Variants in GTF2F2 observed in about 807,000 individuals in gnomAD.
GTF2F2 encodes general transcription factor IIF subunit 2.
Under a neutral mutation model 42.2 loss-of-function variants are expected in GTF2F2, and 23 were observed. That is an observed-to-expected ratio of 0.55 (90% confidence interval 0.39 to 0.77). The LOEUF (loss-of-function observed/expected upper bound fraction) is 0.77, where lower values mean the gene tolerates loss of function less well. GTF2F2 is among the 30% of genes least tolerant of loss of function. GTF2F2 has a pLI of 0.00. For synonymous variants in GTF2F2, 105 were observed against 100.8 expected, an observed-to-expected ratio of 1.04 and a Z score of -0.25; for missense variants, 261 against 287.2, an observed-to-expected ratio of 0.91 and a Z score of 0.66.
At chr13:45,132,155 C>T (rs1400787709) in intron 1 of GTF2F2, among the ~76,000 whole-genome samples, 1 of 152,116 alleles carries the variant, frequency 6.6e-6, no homozygotes, top group Non-Finnish European at 1.5e-5. Flanking sequence ...GGTATATAAC[C>T]TATTACCATG....
chr13:45,149,829 C>T (rs183297847), intron 3 of GTF2F2, 41 bp downstream of exon 3: 2 of 1,469,636 alleles, frequency 1.4e-6, no homozygotes, highest in Non-Finnish European at 1.8e-6. Flanking sequence ...AAACTTGAGA[C>T]TATCTTTTCA....
chr13:45,144,166 C>T (rs953293502), intron 2 of GTF2F2, among the ~76,000 whole-genome samples: 3 of 152,064 alleles, frequency 2.0e-5, no homozygotes, highest in East Asian at 1.9e-4. Context: ...GCAGGAGAAT[C>T]GCTTGAACCC....
intron 2 of GTF2F2, among the ~76,000 whole-genome samples, chr13:45,140,660 AAAT>A (rs1869881954): frequency 6.6e-6 from 1 of 152,230 alleles, no homozygotes; most frequent in Non-Finnish European, 1.5e-5. Context: ...TGAAAGAGAA[AAAT>A]AATATTGAAA....
chr13:45,254,775 T>C (rs7333600), intron 6 of GTF2F2, among the ~76,000 whole-genome samples: 48,962 of 152,116 alleles, frequency 0.32, 9,955 homozygotes, highest in African/African-American at 0.57. Flanking sequence ...ATAAAATACC[T>C]AAGTTAAGTC....
At chr13:45,202,343 C>T (rs1296634204) in intron 4 of GTF2F2, among the ~76,000 whole-genome samples, 2 of 152,122 alleles carry the variant, frequency 1.3e-5, no homozygotes, top group Non-Finnish European at 2.9e-5. Flanking sequence ...GCCAAGATCG[C>T]GCCACTGCAC....
intron 5 of GTF2F2, among the ~76,000 whole-genome samples, chr13:45,209,930 T>G (rs1873564753): frequency 6.6e-6 from 1 of 152,140 alleles, no homozygotes; most frequent in African/African-American, 2.4e-5. Context: ...GTCAGAAGAA[T>G]CTTGTTGACT....
chr13:45,257,985 A>G (rs796739835), intron 6 of GTF2F2, among the ~76,000 whole-genome samples: 6 of 152,292 alleles, frequency 3.9e-5, no homozygotes, highest in African/African-American at 1.2e-4. Flanking sequence ...GAAACTGTCA[A>G]TTAGAGATAA....
chr13:45,207,139 C>T, intron 4 of GTF2F2: 1 of 284,990 alleles, frequency 3.5e-6, no homozygotes, highest in South Asian at 7.9e-5. Context: ...GATTTTATGC[C>T]CTTTTAAGCT....
chr13:45,237,645 C>G (rs1875057571), intron 5 of GTF2F2, among the ~76,000 whole-genome samples: 1 of 152,202 alleles, frequency 6.6e-6, no homozygotes, highest in Non-Finnish European at 1.5e-5. Flanking sequence ...AAGGTCACAC[C>G]TAGGGATGGA....
intron 5 of GTF2F2, among the ~76,000 whole-genome samples, chr13:45,212,467 C>CTTTTCTTTTCTTTTCT (rs371132076): frequency 0.035 from 1,930 of 55,056 alleles, 102 homozygotes; most frequent in Non-Finnish European, 0.044. Flanking sequence ...TTCTTTCTTT[C>CTTTTCTTTTCTTTTCT]TTTCTTTCTT....
intron 6 of GTF2F2, among the ~76,000 whole-genome samples, chr13:45,258,664 TATTTTG>T (rs1876200459): frequency 6.6e-6 from 1 of 152,254 alleles, no homozygotes; most frequent in Non-Finnish European, 1.5e-5. Context: ...CAAATCACTG[TATTTTG>T]AGAGCAAAAC....
intron 6 of GTF2F2, among the ~76,000 whole-genome samples, chr13:45,260,797 A>T (rs1475477744): frequency 6.6e-6 from 1 of 152,104 alleles, no homozygotes. Context: ...AGGCGGGTGG[A>T]TCACTTGAGT....
At chr13:45,138,644 C>CAGT (rs1412055129) in intron 2 of GTF2F2, among the ~76,000 whole-genome samples, 34 of 151,962 alleles carry the variant, frequency 2.2e-4, no homozygotes, top group Non-Finnish European at 1.8e-4. Context: ...GAGTGAAGAT[C>CAGT]AGTATTATTA....
chr13:45,252,632 C>T (rs531394837), intron 5 of GTF2F2, among the ~76,000 whole-genome samples: 6 of 151,984 alleles, frequency 3.9e-5, no homozygotes, highest in South Asian at 4.1e-4. Context: ...ATATAATAAG[C>T]GGGTGAAAAG....
Position 45,271,063 on chromosome 13 carries a change from C to T in GTF2F2, c.630+3687C>T, listed in dbSNP as rs1474908628. On this transcript the variant is annotated intron_variant, in intron 7 of 7. Transcript: ENST00000340473. ...ATCCCAGCACTTTGGGAGGCTGAGG[C>T]GGGCAGATCACGAGGTCAGGAGATC... 5.9e-5 allele frequency among the ~76,000 whole-genome samples: 9 copies of T among 152,004 alleles called. 1 individual carries two copies. The South Asian group carries it at 1.5e-3, about 24-fold the overall frequency.
chr13:45,121,750 A>G (rs748042304), intron 1 of GTF2F2, among the ~76,000 whole-genome samples: 1 of 152,222 alleles, frequency 6.6e-6, no homozygotes, highest in Admixed American at 6.5e-5. Context: ...TACTCAACAA[A>G]TAGATGATGA....
chr13:45,123,233 C>G (rs1344227986), intron 1 of GTF2F2: 2 of 152,224 alleles, frequency 1.3e-5, no homozygotes, highest in African/African-American at 4.8e-5. Context: ...CACGCTTGAC[C>G]AAAGAGGATG....
intron 4 of GTF2F2, among the ~76,000 whole-genome samples, chr13:45,166,852 T>G (rs778615453): frequency 3.3e-5 from 5 of 152,240 alleles, no homozygotes; most frequent in Non-Finnish European, 5.9e-5. Flanking sequence ...CCTGGAATAT[T>G]GATAAATAAT....
At chr13:45,150,007 T>G (rs1202134223) in intron 3 of GTF2F2, among the ~76,000 whole-genome samples, 1 of 152,190 alleles carries the variant, frequency 6.6e-6, no homozygotes, top group Admixed American at 6.5e-5. Context: ...ACATTTCCCC[T>G]CTCTTGGTAC....
Sources: allele counts gnomAD v4.1 joint callset (sites outside exome capture counted in the v4.1 genomes callset), GRCh38; gene constraint gnomAD v4.1.1; transcripts MANE v1.5; gene names NCBI Gene and HGNC (gene_info 2026-07-23, HGNC 2026-07-21).